GLI3: variants seen among roughly 807,000 people sequenced by gnomAD.
The protein encoded by GLI3 is GLI family zinc finger 3.
A neutral mutation model predicts 100.8 loss-of-function variants in GLI3; 20 were observed. The ratio of observed to expected loss-of-function variants is 0.20; its 90% confidence interval spans 0.14 to 0.29. GLI3 has a LOEUF of 0.29. Among genes scored for constraint, GLI3 ranks in the 10% least tolerant of loss-of-function variants. The probability of loss-of-function intolerance (pLI) is 1.00; values close to 1 mark genes in which losing one functional copy is unlikely to be tolerated. For missense variants in GLI3, 2,040 were observed against 2,128.5 expected (o/e 0.96, Z 0.82); for synonymous variants, 938 against 860.5 (o/e 1.09, Z -1.58).
At chr7:41,984,701 C>T (rs1372459293) in intron 10 of GLI3, among the ~76,000 whole-genome samples, 2 of 152,168 alleles carry the variant, frequency 1.3e-5, no homozygotes, top group Admixed American at 1.3e-4. Context: ...AGGGGGGAAA[C>T]GCGAAGCTTC....
intron 4 of GLI3, among the ~76,000 whole-genome samples, chr7:42,056,975 T>A (rs555542576): frequency 2.3e-4 from 25 of 108,772 alleles, no homozygotes; most frequent in Non-Finnish European, 3.6e-4. Context: ...AGAGCGAAAC[T>A]CCGTCTCAAA....
At chr7:42,009,919 G>A (rs1583785696) in intron 10 of GLI3, among the ~76,000 whole-genome samples, 1 of 152,302 alleles carries the variant, frequency 6.6e-6, no homozygotes, top group East Asian at 1.9e-4. Flanking sequence ...AGCCCCAGTG[G>A]ACTGGATATG....
intron 10 of GLI3, among the ~76,000 whole-genome samples, chr7:42,001,949 A>G (rs1788305985): frequency 6.6e-6 from 1 of 152,200 alleles, no homozygotes; most frequent in Non-Finnish European, 1.5e-5. Flanking sequence ...ATTAGAAATC[A>G]TGCATTTAAT....
intron 3 of GLI3, among the ~76,000 whole-genome samples, chr7:42,146,008 G>A (rs1233824785): frequency 3.9e-5 from 6 of 152,098 alleles, no homozygotes; most frequent in Non-Finnish European, 7.4e-5. Context: ...AAATTCCCAA[G>A]TGTTGAGCCA....
intron 5 of GLI3, among the ~76,000 whole-genome samples, chr7:42,047,547 G>T (rs1336706037): frequency 6.6e-6 from 1 of 152,220 alleles, no homozygotes; most frequent in Non-Finnish European, 1.5e-5. Context: ...CCTTGATTCA[G>T]ATTCCAGTGA....
At chr7:42,173,442 C>T (rs1330850693) in intron 2 of GLI3, among the ~76,000 whole-genome samples, 2 of 152,140 alleles carry the variant, frequency 1.3e-5, no homozygotes, top group Non-Finnish European at 2.9e-5. Flanking sequence ...CTGCACAGAT[C>T]CAGGTAACGA....
intron 4 of GLI3, among the ~76,000 whole-genome samples, chr7:42,058,801 T>C (rs565645439): frequency 2.8e-4 from 43 of 152,360 alleles, no homozygotes; most frequent in African/African-American, 9.1e-4. Context: ...ATAGCTAAAA[T>C]TGATTTCATT....
chr7:42,105,265 T>C (rs1279617056), intron 3 of GLI3, among the ~76,000 whole-genome samples: 1 of 152,174 alleles, frequency 6.6e-6, no homozygotes, highest in Non-Finnish European at 1.5e-5. Context: ...GATAATCAGG[T>C]ACTAAATGGC....
intron 2 of GLI3, among the ~76,000 whole-genome samples, chr7:42,183,752 C>G (rs577598820): frequency 6.6e-6 from 1 of 152,218 alleles, no homozygotes; most frequent in African/African-American, 2.4e-5. Context: ...CTCTCCACAA[C>G]ATAGGCTGAG....
At chr7:42,018,195 C>A (rs1249002551) in intron 10 of GLI3, among the ~76,000 whole-genome samples, 1 of 152,138 alleles carries the variant, frequency 6.6e-6, no homozygotes, top group Non-Finnish European at 1.5e-5. Flanking sequence ...GAGAACGTGA[C>A]CCTTAAGGCA....
intron 3 of GLI3, among the ~76,000 whole-genome samples, chr7:42,120,435 C>T (rs186492758): frequency 6.6e-6 from 1 of 152,170 alleles, no homozygotes; most frequent in East Asian, 1.9e-4. Flanking sequence ...GAAAGACTAA[C>T]TGAACTCCCA....
intron 2 of GLI3, among the ~76,000 whole-genome samples, chr7:42,164,058 A>G (rs1787188335): frequency 1.3e-5 from 2 of 152,116 alleles, no homozygotes; most frequent in Admixed American, 1.3e-4. Context: ...CTTGAAATTC[A>G]TTGCTAGAAA....
intron 3 of GLI3, among the ~76,000 whole-genome samples, chr7:42,140,906 T>G (rs1244706844): frequency 2.0e-5 from 3 of 152,082 alleles, no homozygotes; most frequent in Non-Finnish European, 4.4e-5. Context: ...GAGTTGCTGT[T>G]TCTCATGCTT....
At position 42,263,060 on chromosome 7, in the gene GLI3, A is replaced by T. The variant is rs183293770; in HGVS notation, c.-43+934T>A. On this transcript the variant is annotated intron_variant, in intron 1 of 2. Transcript: ENST00000678978. ...CCCTGGGCCTGTAATTATCCGAGGCATACATGCCAGATGGGCCACGTGCCA... is the reference window on the plus strand; with the variant it reads ...CCCTGGGCCTGTAATTATCCGAGGCTTACATGCCAGATGGGCCACGTGCCA... Among the ~76,000 whole-genome samples the T allele has an allele frequency of 2.9e-3, 448 of 152,286 alleles. 1 individual carries two copies. Among genetic ancestry groups the T allele is most frequent in the Middle Eastern group, 0.01 (3 of 294 alleles).
chr7:42,185,256 A>T (rs1312075339), intron 2 of GLI3, among the ~76,000 whole-genome samples: 1 of 152,114 alleles, frequency 6.6e-6, no homozygotes, highest in Non-Finnish European at 1.5e-5. Flanking sequence ...ATCCACACAT[A>T]TTCAAATCCA....
At chr7:41,996,460 T>TA (rs1276965943) in intron 10 of GLI3, among the ~76,000 whole-genome samples, 4 of 152,180 alleles carry the variant, frequency 2.6e-5, no homozygotes, top group African/African-American at 9.7e-5. Flanking sequence ...CTGGCTCATA[T>TA]ACAAAGAAAA....
chr7:42,227,892 T>C (rs191835265), intron 1 of GLI3, among the ~76,000 whole-genome samples: 25 of 152,250 alleles, frequency 1.6e-4, no homozygotes, highest in African/African-American at 6.0e-4. Context: ...TCCCCATTGA[T>C]TATGGTAATT....
intron 2 of GLI3, among the ~76,000 whole-genome samples, chr7:42,185,454 G>A (rs1260055754): frequency 6.6e-6 from 1 of 152,128 alleles, no homozygotes; most frequent in African/African-American, 2.4e-5. Context: ...GTAGTAGTAT[G>A]ATCCACACGC....
In GLI3 at chr7:42,076,791, C is replaced by G; in HGVS notation, c.434G>C (p.Arg145Pro). The change falls in exon 4 of 15, where the codon CGT (arginine) becomes CCT (proline). Residue 145 changes from arginine to proline, a missense_variant. Transcript: ENST00000395925. ...VPIDARHHEG[R>P]YHYDPSPIPP... Reference sequence around the variant, plus strand: ...AATCGGAGATGGATCGTAATGGTAACGGCCCTCATGATGTCTGGCATCAAT... The same window carrying G: ...AATCGGAGATGGATCGTAATGGTAAGGGCCCTCATGATGTCTGGCATCAAT... 1.9e-6 allele frequency: 3 copies of G among 1,611,214 alleles called. No homozygotes were observed. Among genetic ancestry groups the G allele is most frequent in the Non-Finnish European group, 2.5e-6 (3 of 1,177,386 alleles).
Sources: gnomAD v4.1 joint callset for allele counts (sites outside exome capture counted in the v4.1 genomes callset) on GRCh38, gnomAD v4.1.1 for gene constraint, MANE v1.5 for transcripts, NCBI Gene and HGNC (gene_info 2026-07-23, HGNC 2026-07-21) for gene names.